DPP6: variants seen among roughly 807,000 people sequenced by gnomAD.
DPP6 encodes the protein dipeptidyl peptidase like 6, also known as A-type potassium channel modulatory protein DPP6.
A neutral mutation model predicts 122.6 loss-of-function variants in DPP6; 69 were observed. That is an observed-to-expected ratio of 0.56 (90% CI 0.46 to 0.69). DPP6 has a LOEUF of 0.69. DPP6 is among the 30% of genes least tolerant of loss of function. The pLI is 0.00. For missense variants in DPP6, 928 were observed against 1,116.9 expected (o/e 0.83, Z 2.41); for synonymous variants, 418 against 433.1 (o/e 0.97, Z 0.43).
At chr7:154,581,150 G>A (rs927434640) in intron 5 of DPP6, among the ~76,000 whole-genome samples, 8 of 152,186 alleles carry the variant, frequency 5.3e-5, no homozygotes, top group South Asian at 4.1e-4. Context: ...CCGCTGAATT[G>A]CAGAGCAGGA....
intron 1 of DPP6, among the ~76,000 whole-genome samples, chr7:154,100,104 C>T (rs1025562255): frequency 9.2e-6 from 1 of 108,488 alleles, no homozygotes; most frequent in Non-Finnish European, 1.8e-5. Flanking sequence ...CCATTGGATA[C>T]TGAAATAAAT....
chr7:154,234,702 G>A (rs921417718), intron 1 of DPP6, among the ~76,000 whole-genome samples: 4 of 152,110 alleles, frequency 2.6e-5, no homozygotes, highest in African/African-American at 9.7e-5. Context: ...TTCTGAAGAT[G>A]AGTTTTCTCA....
chr7:153,791,219 C>G, the DPP6 span, among the ~76,000 whole-genome samples: 490 of 152,198 alleles, frequency 3.2e-3, 3 homozygotes, highest in Non-Finnish European at 5.8e-3. Context: ...CTGACTACGT[C>G]TATATCATGT....
At chr7:154,514,044 G>A (rs974396456) in intron 3 of DPP6, among the ~76,000 whole-genome samples, 2 of 152,182 alleles carry the variant, frequency 1.3e-5, no homozygotes, top group Admixed American at 1.3e-4. Flanking sequence ...GGAGGCCGAG[G>A]TAGTGGATTA....
chr7:154,592,748 T>C (rs1475163158), intron 5 of DPP6, among the ~76,000 whole-genome samples: 1 of 152,086 alleles, frequency 6.6e-6, no homozygotes, highest in Non-Finnish European at 1.5e-5. Context: ...CAGTGCATGA[T>C]GTCCAGGATG....
intron 1 of DPP6, among the ~76,000 whole-genome samples, chr7:154,411,309 C>T (rs988579199): frequency 5.9e-5 from 9 of 152,114 alleles, no homozygotes; most frequent in Admixed American, 5.2e-4. Context: ...AGTACAGTGT[C>T]GTGATCATGG....
intron 3 of DPP6, among the ~76,000 whole-genome samples, chr7:154,503,883 A>G (rs1482750334): frequency 6.6e-6 from 1 of 152,244 alleles, no homozygotes; most frequent in African/African-American, 2.4e-5. Context: ...TGATCTGTGC[A>G]GCAAATCACC....
intron 1 of DPP6, among the ~76,000 whole-genome samples, chr7:154,356,872 T>C (rs772660449): frequency 6.6e-6 from 1 of 151,986 alleles, no homozygotes; most frequent in Non-Finnish European, 1.5e-5. Context: ...TAAAAAAACA[T>C]GGGAAGGCAA....
chr7:154,536,304 C>T (rs1828250275), intron 3 of DPP6, among the ~76,000 whole-genome samples: 1 of 151,980 alleles, frequency 6.6e-6, no homozygotes, highest in South Asian at 2.1e-4. Context: ...ATAGATGATC[C>T]ACAGTAAAGG....
intron 3 of DPP6, among the ~76,000 whole-genome samples, chr7:154,484,986 G>A (rs1013148563): frequency 6.6e-6 from 1 of 152,104 alleles, no homozygotes; most frequent in African/African-American, 2.4e-5. Context: ...TAAAGCTTAT[G>A]GGGTTAGGTA....
At chr7:154,742,089 AAG>A (rs1391271957) in intron 8 of DPP6, among the ~76,000 whole-genome samples, 3 of 152,204 alleles carry the variant, frequency 2.0e-5, no homozygotes, top group Non-Finnish European at 2.9e-5. Flanking sequence ...GTACCTGAAA[AAG>A]AGGAAGAAAG....
chr7:154,881,632 G>A (rs1336249206), intron 21 of DPP6, among the ~76,000 whole-genome samples: 38 of 152,204 alleles, frequency 2.5e-4, no homozygotes, highest in Admixed American at 2.4e-3. Flanking sequence ...AGGCCTTGCT[G>A]TGACACCCCC....
intron 1 of DPP6, among the ~76,000 whole-genome samples, chr7:154,010,234 C>T (rs1250149684): frequency 2.0e-5 from 3 of 152,214 alleles, no homozygotes; most frequent in Admixed American, 2.0e-4. Context: ...GCTTTATACA[C>T]CTTTCAGAAA....
chr7:154,560,291 G>A (rs1402734249), intron 4 of DPP6, among the ~76,000 whole-genome samples: 2 of 152,168 alleles, frequency 1.3e-5, no homozygotes, highest in Non-Finnish European at 2.9e-5. Flanking sequence ...GTAATCTCAT[G>A]TAAGACTTCT....
At chr7:154,363,593 C>T (rs1409161546) in intron 1 of DPP6, among the ~76,000 whole-genome samples, 1 of 152,106 alleles carries the variant, frequency 6.6e-6, no homozygotes, top group South Asian at 2.1e-4. Context: ...GGTGATTGGT[C>T]CCCTCTGTCT....
At chr7:154,090,661 A>G (rs1482134807) in intron 1 of DPP6, among the ~76,000 whole-genome samples, 1 of 151,760 alleles carries the variant, frequency 6.6e-6, no homozygotes, top group Non-Finnish European at 1.5e-5. Flanking sequence ...TGAGCTGAGA[A>G]GCACAGAGGT....
At chr7:153,963,206 AAGAAC>A (rs1309923005) in intron 1 of DPP6, among the ~76,000 whole-genome samples, 1 of 152,082 alleles carries the variant, frequency 6.6e-6, no homozygotes. Flanking sequence ...GGTGAAAAGA[AAGAAC>A]AGAGTAAAGT....
At chr7:154,535,107 A>G (rs1828133185) in intron 3 of DPP6, among the ~76,000 whole-genome samples, 1 of 152,128 alleles carries the variant, frequency 6.6e-6, no homozygotes, top group Non-Finnish European at 1.5e-5. Context: ...TGCTGAAGTA[A>G]TTCAGTGGGA....
intron 5 of DPP6, chr7:154,587,882 G>A: frequency 6.2e-7 from 1 of 1,612,874 alleles, no homozygotes; most frequent in Non-Finnish European, 8.5e-7. Flanking sequence ...ATTCCATGGA[G>A]ACCCTGGCTG....
Sources: allele counts gnomAD v4.1 joint callset (sites outside exome capture counted in the v4.1 genomes callset), GRCh38; gene constraint gnomAD v4.1.1; transcripts MANE v1.5; gene names NCBI Gene and HGNC (gene_info 2026-07-23, HGNC 2026-07-21).